Variants in CNTNAP5 observed in about 807,000 individuals in gnomAD.
CNTNAP5 encodes the protein contactin associated protein family member 5.
In CNTNAP5, 72 loss-of-function variants were observed where a neutral mutation model predicts 150.2. The observed-to-expected ratio is 0.48, with a 90% CI of 0.40 to 0.58. CNTNAP5 has a LOEUF of 0.58. Among genes scored for constraint, CNTNAP5 ranks in the 20% least tolerant of loss-of-function variants. The probability of loss-of-function intolerance (pLI) is 0.00; values close to 1 mark genes in which losing one functional copy is unlikely to be tolerated. For missense variants in CNTNAP5, 1,636 were observed against 1,626.2 expected (o/e 1.01, Z -0.10); for synonymous variants, 672 against 619.8 (o/e 1.08, Z -1.25).
intron 3 of CNTNAP5, among the ~76,000 whole-genome samples, chr2:124,291,453 T>G (rs1425709741): frequency 6.6e-6 from 1 of 150,446 alleles, no homozygotes; most frequent in Non-Finnish European, 1.5e-5. Context: ...TATTTTTATC[T>G]ATTTAGAAAC....
chr2:124,214,839 G>A (rs1333062880), intron 1 of CNTNAP5, among the ~76,000 whole-genome samples: 1 of 152,120 alleles, frequency 6.6e-6, no homozygotes, highest in Non-Finnish European at 1.5e-5. Flanking sequence ...TTTAGCAGCT[G>A]ATCAAAAAGC....
intron 7 of CNTNAP5, among the ~76,000 whole-genome samples, chr2:124,479,118 A>G (rs1217609200): frequency 6.6e-6 from 1 of 152,178 alleles, no homozygotes; most frequent in African/African-American, 2.4e-5. Context: ...CATAAAAAAT[A>G]CCTCACTATT....
At chr2:124,122,703 C>A (rs1307228761) in intron 1 of CNTNAP5, among the ~76,000 whole-genome samples, 1 of 151,490 alleles carries the variant, frequency 6.6e-6, no homozygotes, top group Non-Finnish European at 1.5e-5. Context: ...CTTTGAGTTG[C>A]TAATCTTCCT....
At chr2:124,339,382 T>C (rs933888385) in intron 3 of CNTNAP5, among the ~76,000 whole-genome samples, 9 of 152,150 alleles carry the variant, frequency 5.9e-5, no homozygotes, top group Admixed American at 5.9e-4. Flanking sequence ...GACAAAGGAA[T>C]GAAGAGGATT....
intron 1 of CNTNAP5, among the ~76,000 whole-genome samples, chr2:124,201,654 A>G (rs575804379): frequency 1.3e-5 from 2 of 152,256 alleles, no homozygotes; most frequent in Non-Finnish European, 2.9e-5. Context: ...GAGAGACAGT[A>G]ACTATCATGT....
At chr2:124,178,787 T>G (rs1212546903) in intron 1 of CNTNAP5, among the ~76,000 whole-genome samples, 2 of 152,162 alleles carry the variant, frequency 1.3e-5, no homozygotes, top group Admixed American at 1.3e-4. Context: ...ACATTTATCC[T>G]GCTTGAACTC....
rs143164445 is a variant in CNTNAP5, at chr2:124,781,756, G to A, written c.2753-8146G>A. On this transcript the variant is annotated intron_variant, in intron 17 of 23. Coordinates refer to ENST00000682447, the MANE Select transcript of CNTNAP5 (RefSeq NM_001367498.1). ...TGAGATGGTACTTCTATCAATGACA[G>A]AGTCAGGTGCCCTTTTGCTCCATAT... 1.2e-3 allele frequency among the ~76,000 whole-genome samples: 182 copies of A among 152,310 alleles called. 1 individual carries two copies. The highest frequency in any genetic ancestry group is 3.7e-3 in the African/African-American group (154 of 41,582).
chr2:124,419,839 C>G (rs898563557), intron 4 of CNTNAP5, among the ~76,000 whole-genome samples: 1 of 151,948 alleles, frequency 6.6e-6, no homozygotes, highest in Non-Finnish European at 1.5e-5. Context: ...GTTAGCATGC[C>G]TTCTGAACCT....
chr2:124,688,268 G>GT (rs1481557819), intron 13 of CNTNAP5, among the ~76,000 whole-genome samples: 2 of 152,070 alleles, frequency 1.3e-5, no homozygotes, highest in East Asian at 1.9e-4. Context: ...CTGGAATAAA[G>GT]TTTTTTTAAA....
Position 124,916,747 on chromosome 2 carries a change from C to T in CNTNAP5, c.*2459C>T, listed in dbSNP as rs1437275457. ...CACTACAAAATCAACTGGCATCTTC[C>T]TCACGTGTGTAGACTCCATGCACAC... On this transcript the variant is annotated 3_prime_UTR_variant, in exon 24 of 24. Transcript: ENST00000682447. 6.6e-6 allele frequency among the ~76,000 whole-genome samples: 1 copy of T among 152,030 alleles called. No homozygotes were observed. Among genetic ancestry groups the T allele is most frequent in the Admixed American group, 6.6e-5 (1 of 15,250 alleles).
At chr2:124,845,505 G>A (rs924139637) in intron 19 of CNTNAP5, among the ~76,000 whole-genome samples, 6 of 150,558 alleles carry the variant, frequency 4.0e-5, no homozygotes, top group African/African-American at 1.5e-4. Context: ...TTCATAGAGT[G>A]ATTTAGGAAG....
intron 7 of CNTNAP5, among the ~76,000 whole-genome samples, chr2:124,491,437 A>T (rs767190160): frequency 3.4e-5 from 3 of 89,316 alleles, no homozygotes; most frequent in Non-Finnish European, 6.7e-5. Flanking sequence ...GTGTTTATAT[A>T]TATACACACA....
In CNTNAP5 at chr2:124,178,907, GTTATTTATTTATTTATTTATTTATTTAT is replaced by G. The variant is rs199781615; in HGVS notation, c.83-42775_83-42748del. On this transcript the variant is annotated intron_variant, in intron 1 of 23. Coordinates refer to ENST00000682447, the MANE Select transcript of CNTNAP5 (RefSeq NM_001367498.1). ...GTGAAAAGCTCTCTGATTTTTATTT[GTTATTTATTTATTTATTTATTTATTTAT>G]TTATTTATTTATTTATTTATTTTGT... Among the ~76,000 whole-genome samples, 38 of 141,162 alleles carry G rather than the reference GTTATTTATTTATTTATTTATTTATTTAT, an allele frequency of 2.7e-4. No individual in the cohort carries two copies. The East Asian group carries it at 7.3e-3, about 27-fold the overall frequency. The allele number at this position is 141,162 out of a possible 152,430, so 92.6% of individuals were successfully genotyped here.
At chr2:124,370,107 T>C (rs1038826154) in intron 3 of CNTNAP5, among the ~76,000 whole-genome samples, 1 of 152,158 alleles carries the variant, frequency 6.6e-6, no homozygotes, top group African/African-American at 2.4e-5. Flanking sequence ...AAATAAATTC[T>C]CTGATGAGAA....
chr2:124,036,484 C>T lies in CNTNAP5; in HGVS notation c.82+10752C>T, dbSNP rs578106353. 3.1e-4 allele frequency among the ~76,000 whole-genome samples: 47 copies of T among 152,140 alleles called. 1 individual carries two copies. Among genetic ancestry groups the T allele is most frequent in the African/African-American group, 1.1e-3 (46 of 41,532 alleles). ...TGAGTTGTACCTTTGAGTGAATGTG[C>T]TCTGTCAGTTGACAGTAATGGGGTC... On this transcript the variant is annotated intron_variant, in intron 1 of 23. Transcript: ENST00000682447.
At chr2:124,539,769 C>G (rs770525379) in intron 10 of CNTNAP5, among the ~76,000 whole-genome samples, 1 of 152,204 alleles carries the variant, frequency 6.6e-6, no homozygotes, top group Non-Finnish European at 1.5e-5. Context: ...AAAACCCATA[C>G]ATAGGCAGAA....
chr2:124,056,463 A>C (rs574004410), intron 1 of CNTNAP5, among the ~76,000 whole-genome samples: 1 of 5,532 alleles, frequency 1.8e-4, no homozygotes, highest in African/African-American at 2.0e-4. Context: ...TCTATACTAA[A>C]AATACAAAAA....
In CNTNAP5 at chr2:124,887,920, A is replaced by T. The variant is rs547080640; in HGVS notation, c.3437-14962A>T. Among the ~76,000 whole-genome samples, 16 of 151,968 alleles carry T rather than the reference A, an allele frequency of 1.1e-4. No homozygotes were observed. In the East Asian group the frequency reaches 1.6e-3, roughly 15 times the overall value. On this transcript the variant is annotated intron_variant, in intron 21 of 23. Transcript: ENST00000682447. The stretch of plus-strand genomic sequence containing the variant: ...AAAATGCAATGAGAAGTCATCAATG[A>T]TTTTTTTTAAAGAAGATTGGTTTCT...
chr2:124,819,780 C>T (rs1012838772), intron 19 of CNTNAP5, among the ~76,000 whole-genome samples: 3 of 152,156 alleles, frequency 2.0e-5, no homozygotes, highest in Non-Finnish European at 2.9e-5. Context: ...AATAGAGAGT[C>T]TGGGACAAAA....
Sources: allele counts gnomAD v4.1 joint callset (sites outside exome capture counted in the v4.1 genomes callset), GRCh38; gene constraint gnomAD v4.1.1; transcripts MANE v1.5; gene names NCBI Gene and HGNC (gene_info 2026-07-23, HGNC 2026-07-21).